Variants in C4orf17 observed in about 807,000 individuals in gnomAD.
C4orf17 encodes chromosome 4 open reading frame 17, also known as uncharacterized protein C4orf17.
Under a neutral mutation model 32.0 loss-of-function variants are expected in C4orf17, and 25 were observed. The observed-to-expected ratio is 0.78, with a 90% CI of 0.57 to 1.09. The LOEUF is 1.09. C4orf17 is among the 50% of genes least tolerant of loss of function. C4orf17 has a pLI of 0.00. For missense variants in C4orf17, 420 were observed against 420.0 expected, an observed-to-expected ratio of 1.00 and a Z score of 0.00; for synonymous variants, 149 against 145.8, an observed-to-expected ratio of 1.02 and a Z score of -0.16.
intron 5 of C4orf17, among the ~76,000 whole-genome samples, chr4:99,534,610 G>C (rs932731384): frequency 1.3e-5 from 2 of 152,162 alleles, no homozygotes; most frequent in Admixed American, 6.5e-5. Context: ...GTGTAAAATT[G>C]TTCCTTTTTC....
At chr4:99,532,377 A>G (rs899548693) in intron 5 of C4orf17, among the ~76,000 whole-genome samples, 2 of 152,180 alleles carry the variant, frequency 1.3e-5, no homozygotes, top group Admixed American at 1.3e-4. Context: ...GCCATAAAAT[A>G]TGGAATAATA....
intron 2 of C4orf17, among the ~76,000 whole-genome samples, chr4:99,514,823 C>T (rs1332915593): frequency 1.2e-4 from 18 of 152,170 alleles, no homozygotes; most frequent in Admixed American, 1.2e-3. Flanking sequence ...TATACCAGAA[C>T]AGTTCACAAT....
At chr4:99,525,882 A>T (rs1434888560) in intron 4 of C4orf17, among the ~76,000 whole-genome samples, 2 of 151,918 alleles carry the variant, frequency 1.3e-5, no homozygotes, top group African/African-American at 4.8e-5. Context: ...TTTGTTATGC[A>T]TGTTTTTGCA....
At chr4:99,513,970 A>G (rs1474758679) in intron 2 of C4orf17, among the ~76,000 whole-genome samples, 3 of 152,114 alleles carry the variant, frequency 2.0e-5, no homozygotes, top group African/African-American at 7.2e-5. Flanking sequence ...CATGGGGTGA[A>G]CCAGCCAATT....
At chr4:99,525,884 GT>G (rs1487387169) in intron 4 of C4orf17, among the ~76,000 whole-genome samples, 1 of 151,966 alleles carries the variant, frequency 6.6e-6, no homozygotes, top group Non-Finnish European at 1.5e-5. Flanking sequence ...TGTTATGCAT[GT>G]TTTTGCAAAT....
chr4:99,541,222 C>T (rs1175172532), intron 8 of C4orf17: 1 of 152,168 alleles, frequency 6.6e-6, no homozygotes, highest in Non-Finnish European at 1.5e-5. Flanking sequence ...ATTAACCAAA[C>T]CCAAAAAAGA....
At position 99,513,219 on chromosome 4, in the gene C4orf17, T is replaced by C. The variant is rs576046439; in HGVS notation, c.127+11T>C. ...TCTGCCACATCAAAGGTAAGGTGAC[T>C]TAAGGTCCTAGTATGTGTCTCTATT... On this transcript the variant is annotated intron_variant, in intron 2 of 8. Coordinates refer to ENST00000326581, the MANE Select transcript of C4orf17 (RefSeq NM_032149.3). 6.2e-7 allele frequency: 1 copy of C among 1,613,696 alleles called. No homozygotes were observed. The highest frequency in any genetic ancestry group is 1.1e-5 in the South Asian group (1 of 91,068).
At chr4:99,535,864 G>A (rs753267785) in intron 5 of C4orf17, 216 of 419,702 alleles carry the variant, frequency 5.1e-4, no homozygotes, top group Non-Finnish European at 8.9e-4. Context: ...TTTCATCTTT[G>A]TGGGCTTATC....
intron 7 of C4orf17, 119 bp downstream of exon 7, chr4:99,539,489 G>A: frequency 5.6e-6 from 4 of 714,536 alleles, no homozygotes; most frequent in South Asian, 5.2e-5. Flanking sequence ...GCTTTATTCA[G>A]TAAGTGACTG....
At position 99,539,396 on chromosome 4, in the gene C4orf17, A is replaced by C. The variant is rs141198881; in HGVS notation, c.836+26A>C. On this transcript the variant is annotated intron_variant, in intron 7 of 8. Coordinates refer to ENST00000326581, the MANE Select transcript of C4orf17 (RefSeq NM_032149.3). ...GTAATTAGATATAATGGCCCCCTAG[A>C]GGGAGGGCCTATGGCACATGAAGAC... The C allele has an allele frequency of 4.8e-4, 738 of 1,544,310 alleles. 3 individuals are homozygous for C. In the African/African-American group the frequency reaches 9.2e-3, roughly 19 times the overall value.
chr4:99,523,086 T>G (rs533283768), intron 3 of C4orf17, among the ~76,000 whole-genome samples: 1 of 152,152 alleles, frequency 6.6e-6, no homozygotes, highest in South Asian at 2.1e-4. Context: ...TACATTGTCC[T>G]CATGAGACTG....
intron 5 of C4orf17, chr4:99,536,116 G>A (rs543424988): frequency 3.8e-4 from 133 of 353,714 alleles, no homozygotes; most frequent in Non-Finnish European, 5.5e-4. Flanking sequence ...CCATCCTAGG[G>A]GGGTACTGAG....
At chr4:99,518,578 GA>G (rs1560585648) in intron 2 of C4orf17, among the ~76,000 whole-genome samples, 4 of 123,310 alleles carry the variant, frequency 3.2e-5, no homozygotes, top group Non-Finnish European at 4.7e-5. Context: ...GAGAGAGAGA[GA>G]GAGAGGGAGG....
chr4:99,531,618 G>T (rs757496012), intron 5 of C4orf17, among the ~76,000 whole-genome samples: 13 of 152,086 alleles, frequency 8.5e-5, no homozygotes, highest in Non-Finnish European at 1.3e-4. Flanking sequence ...TGAAGGCAGG[G>T]ATCTTGTCTG....
rs551003482 is a variant in C4orf17 at position 99,516,711 on chromosome 4, G to C, written c.127+3503G>C. The stretch of plus-strand genomic sequence containing the variant: ...TGTTATGGGGCATGTGGGGAGGAGG[G>C]AAGGGATAATGGGAAGTCGGGGTGG... On this transcript the variant is annotated intron_variant, in intron 2 of 8. Transcript: ENST00000326581. 1.7e-3 allele frequency among the ~76,000 whole-genome samples: 254 copies of C among 152,290 alleles called. 1 individual carries two copies. The highest frequency in any genetic ancestry group is 5.8e-3 in the African/African-American group (239 of 41,564).
At chr4:99,528,129 T>C (rs1315559641) in intron 4 of C4orf17, among the ~76,000 whole-genome samples, 4 of 152,202 alleles carry the variant, frequency 2.6e-5, no homozygotes, top group African/African-American at 9.6e-5. Flanking sequence ...TTATATTCTT[T>C]TAAAAATATC....
chr4:99,531,471 T>C (rs569611942), intron 5 of C4orf17, among the ~76,000 whole-genome samples: 1 of 152,280 alleles, frequency 6.6e-6, no homozygotes, highest in South Asian at 2.1e-4. Flanking sequence ...GGCATATCAA[T>C]AGAACAGCGT....
chr4:99,521,303 G>T (rs572247683), intron 2 of C4orf17, among the ~76,000 whole-genome samples: 1 of 152,158 alleles, frequency 6.6e-6, no homozygotes, highest in South Asian at 2.1e-4. Context: ...AGCCTGGGAG[G>T]GGGAGCACTG....
chr4:99,523,508 ATT>A (rs1466574772), intron 3 of C4orf17, among the ~76,000 whole-genome samples: 1 of 152,124 alleles, frequency 6.6e-6, no homozygotes, highest in African/African-American at 2.4e-5. Context: ...CCTTTCAAGA[ATT>A]TCTCTTCCCT....
Sources: gnomAD v4.1 joint callset for allele counts (sites outside exome capture counted in the v4.1 genomes callset) on GRCh38, gnomAD v4.1.1 for gene constraint, MANE v1.5 for transcripts, NCBI Gene and HGNC (gene_info 2026-07-23, HGNC 2026-07-21) for gene names.